The following HHIP variants were observed in gnomAD, a reference collection of about 807,000 sequenced individuals.
The protein encoded by HHIP is hedgehog-interacting protein.
Under a neutral mutation model 74.0 loss-of-function variants are expected in HHIP, and 12 were observed. The ratio of observed to expected loss-of-function variants is 0.16; its 90% CI spans 0.10 to 0.26. The LOEUF is 0.26. Ranked by LOEUF, HHIP falls within the 10% of genes least tolerant of loss-of-function variation. The pLI is 1.00. For synonymous variants in HHIP, 309 were observed against 311.6 expected, an observed-to-expected ratio of 0.99 and a Z score of 0.09; for missense variants, 788 against 845.0, an observed-to-expected ratio of 0.93 and a Z score of 0.84.
intron 4 of HHIP, among the ~76,000 whole-genome samples, chr4:144,701,208 T>G (rs1729973502): frequency 6.6e-6 from 1 of 152,202 alleles, no homozygotes; most frequent in Admixed American, 6.5e-5. Context: ...AGAGCTTCAT[T>G]CATACCTGTG....
chr4:144,687,849 G>A (rs751422382), intron 4 of HHIP, among the ~76,000 whole-genome samples: 10 of 142,386 alleles, frequency 7.0e-5, no homozygotes, highest in East Asian at 2.1e-4. Flanking sequence ...ATTTGCATAC[G>A]GCTTTTAACT....
chr4:144,729,972 A>T (rs189640252), intron 11 of HHIP, among the ~76,000 whole-genome samples: 15 of 152,328 alleles, frequency 9.8e-5, no homozygotes, highest in Admixed American at 9.8e-4. Flanking sequence ...CTCCTCAGAC[A>T]GGATTTATCC....
chr4:144,683,608 T>C (rs1471568661), intron 4 of HHIP, among the ~76,000 whole-genome samples: 4 of 152,244 alleles, frequency 2.6e-5, no homozygotes, highest in Non-Finnish European at 5.9e-5. Context: ...AAAGTGTACT[T>C]AAGACATACT....
At chr4:144,732,495 A>C (rs557300581) in intron 11 of HHIP, among the ~76,000 whole-genome samples, 106 of 152,286 alleles carry the variant, frequency 7.0e-4, no homozygotes, top group South Asian at 1.2e-3. Flanking sequence ...TAGTCAAAGC[A>C]TCAAATTGGA....
At chr4:144,661,190 T>C (rs1226061577) in intron 4 of HHIP, 2 of 152,176 alleles carry the variant, frequency 1.3e-5, no homozygotes, top group African/African-American at 4.8e-5. Flanking sequence ...CGTAGGGCTC[T>C]CTGATGATTC....
intron 4 of HHIP, among the ~76,000 whole-genome samples, chr4:144,665,394 A>G (rs1728833506): frequency 6.6e-6 from 1 of 152,160 alleles, no homozygotes; most frequent in South Asian, 2.1e-4. Flanking sequence ...GTTATTTCTA[A>G]TATCAATGTA....
intron 7 of HHIP, among the ~76,000 whole-genome samples, chr4:144,709,374 A>G (rs1346548786): frequency 6.6e-6 from 1 of 152,062 alleles, no homozygotes; most frequent in African/African-American, 2.4e-5. Context: ...ACAAAGCAAC[A>G]CTTTGAAGTC....
chr4:144,667,917 G>A (rs1346777908), intron 4 of HHIP, among the ~76,000 whole-genome samples: 1 of 152,122 alleles, frequency 6.6e-6, no homozygotes, highest in Non-Finnish European at 1.5e-5. Context: ...GATTTAGAAT[G>A]TCAGTTGGGA....
chr4:144,742,473 A>C lies in HHIP; in HGVS notation c.*4516A>C, dbSNP rs1171923076. The C allele has an allele frequency of 1.3e-5, 2 of 152,126 alleles. No homozygotes were observed. Among genetic ancestry groups the C allele is most frequent in the African/African-American group, 4.8e-5 (2 of 41,438 alleles). 9.4% of individuals were successfully genotyped at this position (152,126 alleles called of 1,614,324 possible). ...CTAACAGCAGGGAAAGTTAGTAGCT[A>C]TTTCCTAGCCAAGGAACAACCTTCT... On this transcript the variant is annotated 3_prime_UTR_variant, in exon 13 of 13. Transcript: ENST00000296575.
chr4:144,683,536 T>C (rs1729400936), intron 4 of HHIP, among the ~76,000 whole-genome samples: 1 of 152,232 alleles, frequency 6.6e-6, no homozygotes, highest in Admixed American at 6.5e-5. Flanking sequence ...AAACTTACGA[T>C]AAATTATAGT....
intron 4 of HHIP, chr4:144,660,289 T>C (rs1256081104): frequency 5.5e-6 from 1 of 180,624 alleles, no homozygotes; most frequent in Non-Finnish European, 1.1e-5. Flanking sequence ...CCTTGTACAA[T>C]GTTTTTACAG....
At chr4:144,734,962 G>A (rs1560725520) in intron 12 of HHIP, 73 bp downstream of exon 12, 6 of 1,387,692 alleles carry the variant, frequency 4.3e-6, no homozygotes, top group Non-Finnish European at 6.0e-6. Context: ...ACTCAACATT[G>A]ATTGTTTCTT....
intron 11 of HHIP, among the ~76,000 whole-genome samples, chr4:144,732,445 C>G (rs1730986898): frequency 6.6e-6 from 1 of 152,108 alleles, no homozygotes; most frequent in South Asian, 2.1e-4. Context: ...AATCTTCTCC[C>G]TAATCTGAGT....
intron 4 of HHIP, among the ~76,000 whole-genome samples, chr4:144,668,536 G>C (rs901573846): frequency 6.6e-6 from 1 of 152,128 alleles, no homozygotes; most frequent in Non-Finnish European, 1.5e-5. Context: ...GGCAGATCAC[G>C]AGGTCAAGAG....
In HHIP at chr4:144,714,143, T is replaced by C. The variant is rs944259737; in HGVS notation, c.1424-82T>C. 1.8e-5 allele frequency: 22 copies of C among 1,206,614 alleles called. No individual in the cohort carries two copies. The African/African-American group carries it at 3.0e-4, about 16-fold the overall frequency. 74.7% of individuals were successfully genotyped at this position (1,206,614 alleles called of 1,614,324 possible). A position where few individuals can be genotyped will look rare whatever the true frequency, so the allele number is the denominator to read the frequency against. Reference sequence around the variant, plus strand: ...AGAACACATTTCAGAGTTAAATTACTATAGTAATTGTTGTTTGGTGTACAT... The same window carrying C: ...AGAACACATTTCAGAGTTAAATTACCATAGTAATTGTTGTTTGGTGTACAT... On this transcript the variant is annotated intron_variant, in intron 8 of 12. Coordinates refer to ENST00000296575, the MANE Select transcript of HHIP (RefSeq NM_022475.3).
intron 4 of HHIP, among the ~76,000 whole-genome samples, chr4:144,686,530 A>G (rs1729491486): frequency 6.6e-6 from 1 of 152,174 alleles, no homozygotes; most frequent in African/African-American, 2.4e-5. Flanking sequence ...AACAAAAGGG[A>G]AGATTAAAGA....
chr4:144,704,286 T>C (rs970784094), intron 4 of HHIP, among the ~76,000 whole-genome samples: 1 of 152,214 alleles, frequency 6.6e-6, no homozygotes, highest in Non-Finnish European at 1.5e-5. Context: ...TCATATGTAA[T>C]GATTAATCAA....
chr4:144,659,887 AT>A, intron 4 of HHIP, 49 bp downstream of exon 4: 1 of 1,382,104 alleles, frequency 7.2e-7, no homozygotes, highest in South Asian at 1.2e-5. Context: ...CGTTAATTTT[AT>A]TTTAGTGTTA....
Position 144,659,821 on chromosome 4 carries a change from G to C in HHIP, c.814G>C (p.Val272Leu). 6.2e-7 allele frequency: 1 copy of C among 1,611,798 alleles called. No homozygotes were observed. Among genetic ancestry groups the C allele is most frequent in the Non-Finnish European group, 8.5e-7 (1 of 1,179,118 alleles). The change falls in exon 4 of 13, where the codon GTT (valine) becomes CTT (leucine). Residue 272 changes from valine to leucine, a missense_variant. This residue lies in a region of HHIP where 373 missense variants were observed against 366.4 expected (regional missense o/e 1.02). Coordinates refer to ENST00000296575, the MANE Select transcript of HHIP (RefSeq NM_022475.3). ...KEPYLDIHKL[V>L]QSGIKGGDER... ...GCCTTATTTGGACATTCACAAACTTGTTCAAAGTGGAATAAAGGTTGGCTT... is the reference window on the plus strand; with the variant it reads ...GCCTTATTTGGACATTCACAAACTTCTTCAAAGTGGAATAAAGGTTGGCTT...
Sources: gnomAD v4.1 joint callset for allele counts (sites outside exome capture counted in the v4.1 genomes callset) on GRCh38, gnomAD v4.1.1 for gene constraint, gnomAD v4.1.1 regional missense constraint, MANE v1.5 for transcripts, NCBI Gene and HGNC (gene_info 2026-07-23, HGNC 2026-07-21) for gene names.